SLC2A4RG: variants seen among roughly 807,000 people sequenced by gnomAD.
SLC2A4RG encodes the protein GLUT4 enhancer factor.
In SLC2A4RG, 23 loss-of-function variants were observed where a neutral mutation model predicts 35.5. The observed-to-expected ratio is 0.65, with a 90% confidence interval of 0.47 to 0.92. The LOEUF is 0.92. Among genes scored for constraint, SLC2A4RG ranks in the 40% least tolerant of loss-of-function variants. The pLI is 0.00. For missense variants in SLC2A4RG, 539 were observed against 525.0 expected (o/e 1.03, Z -0.26); for synonymous variants, 306 against 243.7 (o/e 1.26, Z -2.38).
chr20:63,741,598 A>G, intron 3 of SLC2A4RG, 119 bp downstream of exon 3: 1 of 1,139,478 alleles, frequency 8.8e-7, no homozygotes, highest in South Asian at 1.6e-5. Context: ...TCTAAAATGG[A>G]CTCCCGCACC....
At position 63,742,555 on chromosome 20, in the gene SLC2A4RG, GC is replaced by G; in HGVS notation, c.905del (p.Pro302LeufsTer3). On this transcript the variant is annotated frameshift_variant, in exon 6 of 8. Transcript: ENST00000266077. LOFTEE classifies it high-confidence loss of function. ...GGCCGCCTGCCCCGCCCCTGCCCCC[GC>G]CCCCTGTCCTGAGCACCGTTGCTAA... The part of the protein sequence containing the change: ...LRPPAPPLPP[P>X]PVLSTVANPQ... 1 of 1,522,460 alleles carries G rather than the reference GC, an allele frequency of 6.6e-7. No homozygotes were observed. Among genetic ancestry groups the G allele is most frequent in the Non-Finnish European group, 9.0e-7 (1 of 1,114,254 alleles). The allele number at this position is 1,522,460 out of a possible 1,614,324, so 94.3% of individuals were successfully genotyped here. A position where few individuals can be genotyped will look rare whatever the true frequency, so the allele number is the denominator to read the frequency against.
Position 63,742,532 on chromosome 20 carries a change from C to T in SLC2A4RG, c.877C>T (p.Pro293Ser). 1 of 1,558,706 alleles carries T rather than the reference C, an allele frequency of 6.4e-7. No individual in the cohort carries two copies. Among genetic ancestry groups the T allele is most frequent in the Non-Finnish European group, 8.7e-7 (1 of 1,151,266 alleles). ...EPPALPSPLR[P>S]PAPPLPPPPV... ...CCCAGCCCTGCCTAGTCCCCTGCGGCCGCCTGCCCCGCCCCTGCCCCCGCC... is the reference window on the plus strand; with the variant it reads ...CCCAGCCCTGCCTAGTCCCCTGCGGTCGCCTGCCCCGCCCCTGCCCCCGCC... The change falls in exon 6 of 8, where the codon CCG becomes TCG. Residue 293 changes from proline to serine, a missense_variant. Coordinates refer to ENST00000266077, the MANE Select transcript of SLC2A4RG (RefSeq NM_020062.4).
At position 63,741,451 on chromosome 20, in the gene SLC2A4RG, G is replaced by C; in HGVS notation, c.363G>C (p.Leu121=). Residue 121 remains leucine, a synonymous_variant, in exon 3 of 8, where the codon CTG becomes CTC. Coordinates refer to ENST00000266077, the MANE Select transcript of SLC2A4RG (RefSeq NM_020062.4). ...LTSLSTSPLL[L]GAPVAAFSPE... The stretch of plus-strand genomic sequence containing the variant: ...GCCTGTCCACCAGCCCTCTCCTTCT[G>C]GGGGCCCCGGTTGCAGCCTTCAGCC... The C allele has an allele frequency of 6.2e-7, 1 of 1,613,392 alleles. No homozygotes were observed. The highest frequency in any genetic ancestry group is 8.5e-7 in the Non-Finnish European group (1 of 1,179,870).
rs2092057317 is a variant in SLC2A4RG at position 63,743,572 on chromosome 20, C to T, written c.*582C>T. On this transcript the variant is annotated 3_prime_UTR_variant, in exon 8 of 8. Transcript: ENST00000266077. ...CCTGTGGTGGGCAAGTGGGTGGAGT[C>T]TGGCAGCTGCCCACAGAGGGCCGAG... 1 of 152,488 alleles carries T rather than the reference C, an allele frequency of 6.6e-6. No individual in the cohort carries two copies. Among genetic ancestry groups the T allele is most frequent in the African/African-American group, 2.4e-5 (1 of 41,456 alleles). The allele number at this position is 152,488 out of a possible 1,614,324, so 9.4% of individuals were successfully genotyped here. A position where few individuals can be genotyped will look rare whatever the true frequency, so the allele number is the denominator to read the frequency against.
In SLC2A4RG at chr20:63,742,548, TGCCCCC is replaced by T. The variant is rs1568813808; in HGVS notation, c.900_905del (p.Pro301_Pro302del). Reference sequence around the variant, plus strand: ...CCCCTGCGGCCGCCTGCCCCGCCCCTGCCCCCGCCCCCTGTCCTGAGCACCGTTGCT... The same window carrying T: ...CCCCTGCGGCCGCCTGCCCCGCCCCTGCCCCCTGTCCTGAGCACCGTTGCT... On this transcript the variant is annotated inframe_deletion, in exon 6 of 8. Coordinates refer to ENST00000266077, the MANE Select transcript of SLC2A4RG (RefSeq NM_020062.4). 5.9e-6 allele frequency: 9 copies of T among 1,524,162 alleles called. No homozygotes were observed. The highest frequency in any genetic ancestry group is 5.4e-6 in the Non-Finnish European group (6 of 1,117,400). 94.4% of individuals were successfully genotyped at this position (1,524,162 alleles called of 1,614,324 possible).
chr20:63,740,601 GC>G, intron 2 of SLC2A4RG, 70 bp downstream of exon 2: 1 of 1,214,562 alleles, frequency 8.2e-7, no homozygotes, highest in Non-Finnish European at 1.0e-6. Context: ...GGAGACACCG[GC>G]CCCGACGGAG....
Position 63,743,310 on chromosome 20 carries a change from A to C in SLC2A4RG, c.*320A>C. 4.2e-6 allele frequency: 1 copy of C among 237,766 alleles called. No homozygotes were observed. Among genetic ancestry groups the C allele is most frequent in the South Asian group, 8.2e-5 (1 of 12,266 alleles). The allele number at this position is 237,766 out of a possible 1,614,324, so 14.7% of individuals were successfully genotyped here. Reference sequence around the variant, plus strand: ...GGCCCGTAGATTTATCAAGGGTGTTATGGGCCCAGCTTTGGGGGGCCAGTC... The same window carrying C: ...GGCCCGTAGATTTATCAAGGGTGTTCTGGGCCCAGCTTTGGGGGGCCAGTC... On this transcript the variant is annotated 3_prime_UTR_variant, in exon 8 of 8. Coordinates refer to ENST00000266077, the MANE Select transcript of SLC2A4RG (RefSeq NM_020062.4).
At chr20:63,742,831 G>A in intron 7 of SLC2A4RG, 41 bp downstream of exon 7, 1 of 1,584,512 alleles carries the variant, frequency 6.3e-7, no homozygotes, top group Non-Finnish European at 8.6e-7. Flanking sequence ...ACCAGGTGGG[G>A]AGGGTCCTGG....
intron 3 of SLC2A4RG, 22 bp from the exon 4 acceptor site, chr20:63,741,847 C>G: frequency 6.4e-7 from 1 of 1,558,828 alleles, no homozygotes; most frequent in Non-Finnish European, 8.7e-7. Context: ...AGTTCTAAGG[C>G]GGGGGGCCCG....
At position 63,742,881 on chromosome 20, in the gene SLC2A4RG, A is replaced by G; in HGVS notation, c.1055A>G (p.Lys352Arg). ...LSSRIGVTLR[K>R]PRGDAKKCRK... Reference sequence around the variant, plus strand: ...ATGTCCTGTGACCCCCCGCACAGGAAGCCCCGCGGCGACGCGAAGAAGTGC... The same window carrying G: ...ATGTCCTGTGACCCCCCGCACAGGAGGCCCCGCGGCGACGCGAAGAAGTGC... The change falls in exon 8 of 8, where the codon AAG becomes AGG. Residue 352 changes from lysine to arginine, a missense_variant and splice_region_variant. Lys to Arg is a conservative substitution (Grantham distance 26). Coordinates refer to ENST00000266077, the MANE Select transcript of SLC2A4RG (RefSeq NM_020062.4). 6.2e-7 allele frequency: 1 copy of G among 1,611,032 alleles called. No individual in the cohort carries two copies. Among genetic ancestry groups the G allele is most frequent in the Non-Finnish European group, 8.5e-7 (1 of 1,178,990 alleles).
chr20:63,741,440 CCT>C lies in SLC2A4RG; in HGVS notation c.356_357del (p.Leu119ProfsTer45). 6.2e-7 allele frequency: 1 copy of C among 1,613,502 alleles called. No homozygotes were observed. Among genetic ancestry groups the C allele is most frequent in the Non-Finnish European group, 8.5e-7 (1 of 1,179,942 alleles). ...TGCCCTTACAAGCCTGTCCACCAGC[CCT>C]CTCCTTCTGGGGGCCCCGGTTGCAG... is the stretch of plus-strand genomic sequence containing the variant. ...AAALTSLSTS[P>X]LLLGAPVAAF... is the part of the protein sequence containing the mutation. On this transcript the variant is annotated frameshift_variant, in exon 3 of 8. Coordinates refer to ENST00000266077, the MANE Select transcript of SLC2A4RG (RefSeq NM_020062.4). LOFTEE classifies it high-confidence loss of function.
chr20:63,742,856 A>G, intron 7 of SLC2A4RG, 23 bp from the exon 8 acceptor site: 2 of 1,604,070 alleles, frequency 1.2e-6, no homozygotes, highest in Non-Finnish European at 8.5e-7. Context: ...ACAGCACCCC[A>G]TGTCCTGTGA....
Position 63,742,917 on chromosome 20 carries a change from A to ATG in SLC2A4RG, c.1092_1093dup (p.Gly365ValfsTer47). On this transcript the variant is annotated frameshift_variant, in exon 8 of 8. Coordinates refer to ENST00000266077, the MANE Select transcript of SLC2A4RG (RefSeq NM_020062.4). LOFTEE classifies it high-confidence loss of function. ...GACGCGAAGAAGTGCCGGAAGGTGT[A>ATG]TGGCATGGAGCGCCGGGACCTCTGG... 1 of 1,612,536 alleles carries ATG rather than the reference A, an allele frequency of 6.2e-7. No individual in the cohort carries two copies. The highest frequency in any genetic ancestry group is 1.1e-5 in the South Asian group (1 of 91,034).
Position 63,742,182 on chromosome 20 carries a change from T to C in SLC2A4RG, c.632T>C (p.Leu211Pro). 6.2e-7 allele frequency: 1 copy of C among 1,604,146 alleles called. No individual in the cohort carries two copies. The highest frequency in any genetic ancestry group is 8.5e-7 in the Non-Finnish European group (1 of 1,175,856). The change falls in exon 5 of 8, where the codon CTG (leucine) becomes CCG (proline). Residue 211 changes from leucine (L) to proline (P), a missense_variant. Leu to Pro is a moderately conservative substitution (Grantham distance 98). Transcript: ENST00000266077. The part of the protein sequence containing the change: ...QCLWKSCGKV[L>P]STASAMQRHI... ...CTGTGGAAGAGCTGCGGGAAGGTGC[T>C]GAGCACGGCGTCGGCGATGCAGAGA... is the stretch of plus-strand genomic sequence containing the variant.
chr20:63,742,666 G>T, intron 6 of SLC2A4RG, 33 bp from the exon 7 acceptor site: 1 of 1,592,840 alleles, frequency 6.3e-7, no homozygotes, highest in Non-Finnish European at 8.6e-7. Flanking sequence ...GCTCTCTGGA[G>T]GGGAGTGAAG....
Position 63,742,915 on chromosome 20 carries a change from G to A in SLC2A4RG, c.1089G>A (p.Val363=), listed in dbSNP as rs774582399. ...PRGDAKKCRK[V]YGMERRDLWC... The stretch of plus-strand genomic sequence containing the variant: ...GCGACGCGAAGAAGTGCCGGAAGGT[G>A]TATGGCATGGAGCGCCGGGACCTCT... The change falls in exon 8 of 8, where the codon GTG becomes GTA. Residue 363 remains valine (V), a synonymous_variant. Transcript: ENST00000266077. The A allele has an allele frequency of 1.2e-6, 2 of 1,612,560 alleles. No individual in the cohort carries two copies. Among genetic ancestry groups the A allele is most frequent in the Non-Finnish European group, 1.7e-6 (2 of 1,179,690 alleles).
Position 63,743,038 on chromosome 20 carries a change from C to A in SLC2A4RG, c.*48C>A. ...AGCTACCACCTTCTCCCTCCCCACC[C>A]CCTCCAGGCCCGGGGCTGAAACAGC... On this transcript the variant is annotated 3_prime_UTR_variant, in exon 8 of 8. Coordinates refer to ENST00000266077, the MANE Select transcript of SLC2A4RG (RefSeq NM_020062.4). 1 of 1,468,288 alleles carries A rather than the reference C, an allele frequency of 6.8e-7. No homozygotes were observed. Among genetic ancestry groups the A allele is most frequent in the Non-Finnish European group, 9.2e-7 (1 of 1,088,444 alleles). 91.0% of individuals were successfully genotyped at this position (1,468,288 alleles called of 1,614,324 possible).
At position 63,743,025 on chromosome 20, in the gene SLC2A4RG, C is replaced by T; in HGVS notation, c.*35C>T. The T allele has an allele frequency of 1.3e-6, 2 of 1,536,280 alleles. No individual in the cohort carries two copies. Among genetic ancestry groups the T allele is most frequent in the Non-Finnish European group, 1.8e-6 (2 of 1,131,926 alleles). On this transcript the variant is annotated 3_prime_UTR_variant, in exon 8 of 8. Coordinates refer to ENST00000266077, the MANE Select transcript of SLC2A4RG (RefSeq NM_020062.4). ...GTTCAAGAACATAAGCTACCACCTT[C>T]TCCCTCCCCACCCCCTCCAGGCCCG...
intron 3 of SLC2A4RG, 62 bp from the exon 4 acceptor site, chr20:63,741,807 C>A: frequency 6.7e-7 from 1 of 1,486,898 alleles, no homozygotes; most frequent in Non-Finnish European, 9.0e-7. Flanking sequence ...AGGGGCAGCT[C>A]AGGATTAGGG....
Sources: allele counts gnomAD v4.1 joint callset, GRCh38; gene constraint gnomAD v4.1.1; transcripts MANE v1.5; gene names NCBI Gene and HGNC (gene_info 2026-07-23, HGNC 2026-07-21).